ABTB3: variants seen among roughly 807,000 people sequenced by gnomAD.
ABTB3 encodes the protein ankyrin repeat- and BTB/POZ domain-containing protein 3.
At chr12:107,415,394 C>T in the ABTB3 span, among the ~76,000 whole-genome samples, 97 of 152,196 alleles carry the variant, frequency 6.4e-4, 1 homozygote, top group South Asian at 4.2e-3. Context: ...GGAAGAGCTG[C>T]GTTAACTACT....
chr12:107,612,916 G>A, the ABTB3 span: 1 of 1,561,270 alleles, frequency 6.4e-7, no homozygotes, highest in Non-Finnish European at 8.8e-7. Context: ...CAGTCCCCAG[G>A]GGAAAGCGAG....
the ABTB3 span, among the ~76,000 whole-genome samples, chr12:107,413,603 G>A: frequency 2.0e-5 from 3 of 152,160 alleles, no homozygotes; most frequent in East Asian, 5.8e-4. Flanking sequence ...ATGGGGGCAT[G>A]AGGAGGTGTT....
chr12:107,331,363 A>G, the ABTB3 span, among the ~76,000 whole-genome samples: 1 of 152,118 alleles, frequency 6.6e-6, no homozygotes, highest in South Asian at 2.1e-4. Context: ...AGATAGTCAC[A>G]CAGATGTCAA....
At chr12:107,509,368 C>T in the ABTB3 span, among the ~76,000 whole-genome samples, 188 of 152,296 alleles carry the variant, frequency 1.2e-3, no homozygotes, top group African/African-American at 4.2e-3. Flanking sequence ...AGTTCAAGAA[C>T]GAAGCTTGAA....
At chr12:107,561,759 G>C in the ABTB3 span, among the ~76,000 whole-genome samples, 1 of 151,998 alleles carries the variant, frequency 6.6e-6, no homozygotes, top group African/African-American at 2.4e-5. Flanking sequence ...TTAATTTATC[G>C]GGTTCCTCTT....
At chr12:107,319,466 G>A in the ABTB3 span, 4 of 1,605,760 alleles carry the variant, frequency 2.5e-6, no homozygotes, top group African/African-American at 1.3e-5. Flanking sequence ...GGGCCTGGCC[G>A]CGCACTGTAC....
At chr12:107,393,152 T>TG in the ABTB3 span, among the ~76,000 whole-genome samples, 1 of 152,120 alleles carries the variant, frequency 6.6e-6, no homozygotes, top group Non-Finnish European at 1.5e-5. Flanking sequence ...TGAGGGGCCT[T>TG]GGGGGTGATC....
At chr12:107,618,917 C>T in the ABTB3 span, among the ~76,000 whole-genome samples, 1 of 152,206 alleles carries the variant, frequency 6.6e-6, no homozygotes, top group Admixed American at 6.5e-5. Flanking sequence ...GGCAAAGCCA[C>T]TCTCAGGAAG....
At chr12:107,633,101 C>T in the ABTB3 span, among the ~76,000 whole-genome samples, 2 of 152,220 alleles carry the variant, frequency 1.3e-5, no homozygotes. Context: ...TGAGGAACTG[C>T]TATGCTCTTG....
chr12:107,577,712 C>G, the ABTB3 span, among the ~76,000 whole-genome samples: 1 of 152,148 alleles, frequency 6.6e-6, no homozygotes, highest in Non-Finnish European at 1.5e-5. Context: ...TCTCCCTCCT[C>G]TGCTCATCTC....
the ABTB3 span, among the ~76,000 whole-genome samples, chr12:107,644,972 CT>C: frequency 0.021 from 2,626 of 127,160 alleles, 64 homozygotes; most frequent in African/African-American, 0.072. Flanking sequence ...TCAAAATTCA[CT>C]TTTTTTTTTT....
the ABTB3 span, among the ~76,000 whole-genome samples, chr12:107,389,066 G>A: frequency 6.6e-6 from 1 of 151,968 alleles, no homozygotes; most frequent in Admixed American, 6.6e-5. Flanking sequence ...GATATGAGCT[G>A]CAGGTGAGTG....
chr12:107,500,752 C>T, the ABTB3 span, among the ~76,000 whole-genome samples: 7 of 152,164 alleles, frequency 4.6e-5, no homozygotes, highest in South Asian at 2.1e-4. Context: ...GACCCCACTC[C>T]GAGAAGCTGT....
chr12:107,440,300 G>T, the ABTB3 span, among the ~76,000 whole-genome samples: 33 of 152,186 alleles, frequency 2.2e-4, no homozygotes, highest in African/African-American at 8.0e-4. Context: ...ACAGCCACAG[G>T]GACCTTCTTT....
chr12:107,425,137 T>A, the ABTB3 span, among the ~76,000 whole-genome samples: 1 of 152,194 alleles, frequency 6.6e-6, no homozygotes, highest in Admixed American at 6.5e-5. Context: ...CCCGGCTTTA[T>A]CTCTCGACAG....
At chr12:107,450,009 T>C in the ABTB3 span, among the ~76,000 whole-genome samples, 1 of 152,166 alleles carries the variant, frequency 6.6e-6, no homozygotes, top group African/African-American at 2.4e-5. Context: ...CAGTGCCTGG[T>C]ATGCAGTAGG....
chr12:107,505,313 CA>C, the ABTB3 span, among the ~76,000 whole-genome samples: 4 of 151,924 alleles, frequency 2.6e-5, no homozygotes, highest in African/African-American at 9.7e-5. Context: ...GAATCAGGAC[CA>C]GCCCTACCTA....
chr12:107,606,883 C>T, the ABTB3 span, among the ~76,000 whole-genome samples: 2 of 152,182 alleles, frequency 1.3e-5, no homozygotes, highest in Non-Finnish European at 2.9e-5. Context: ...GCGCACCTCT[C>T]CCGGAAGCCT....
chr12:107,543,727 T>G, the ABTB3 span, among the ~76,000 whole-genome samples: 1 of 151,980 alleles, frequency 6.6e-6, no homozygotes, highest in Admixed American at 6.5e-5. Context: ...CCTCTGTGCT[T>G]GAAACGCACC....
Sources: allele counts gnomAD v4.1 joint callset (sites outside exome capture counted in the v4.1 genomes callset), GRCh38; gene constraint gnomAD v4.1.1; transcripts MANE v1.5; gene names NCBI Gene and HGNC (gene_info 2026-07-23, HGNC 2026-07-21).